The following HNRNPA2B1 variants were observed in gnomAD, a reference collection of about 807,000 sequenced individuals.
HNRNPA2B1 encodes heterogeneous nuclear ribonucleoproteins A2/B1.
A neutral mutation model predicts 46.3 loss-of-function variants in HNRNPA2B1; 3 were observed. The ratio of observed to expected loss-of-function variants is 0.06; its 90% confidence interval spans 0.03 to 0.17. The LOEUF is 0.17. Ranked by LOEUF, HNRNPA2B1 falls within the 10% of genes least tolerant of loss-of-function variation. The pLI, the probability that HNRNPA2B1 is intolerant of heterozygous loss-of-function variation, is 1.00. For synonymous variants in HNRNPA2B1, 225 were observed against 133.8 expected, an observed-to-expected ratio of 1.68 and a Z score of -4.70; for missense variants, 221 against 418.9, an observed-to-expected ratio of 0.53 and a Z score of 4.12.
In HNRNPA2B1 at chr7:26,196,910, T is replaced by C. The variant is rs1783706603; in HGVS notation, c.372A>G (p.Gly124=). Reference sequence around the variant, plus strand: ...TAATTATCTCAATGGTATCAATTTTTCCATATTCCTCAAAGTAATCTCTAA... The same window carrying C: ...TAATTATCTCAATGGTATCAATTTTCCCATATTCCTCAAAGTAATCTCTAA... The part of the protein sequence containing the change: ...HHLRDYFEEY[G]KIDTIEIITD... Residue 124 remains glycine (G), a synonymous_variant, in exon 4 of 11, where the codon GGA becomes GGG. Coordinates refer to ENST00000618183, the MANE Select transcript of HNRNPA2B1 (RefSeq NM_002137.4). The C allele has an allele frequency of 1.2e-6, 2 of 1,613,716 alleles. No homozygotes were observed. Among genetic ancestry groups the C allele is most frequent in the Non-Finnish European group, 8.5e-7 (1 of 1,179,672 alleles).
chr7:26,199,654 T>TC (rs1464131446), intron 1 of HNRNPA2B1: 1 of 152,118 alleles, frequency 6.6e-6, no homozygotes, highest in African/African-American at 2.4e-5. Flanking sequence ...ACCACCTTCG[T>TC]CCCTGCCCCT....
At chr7:26,197,251 T>C (rs1040534375) in intron 3 of HNRNPA2B1, 64 bp downstream of exon 3, 3 of 1,503,374 alleles carry the variant, frequency 2.0e-6, no homozygotes, top group Non-Finnish European at 8.9e-7. Flanking sequence ...TCAGAAATAG[T>C]TTCTGATTTT....
chr7:26,196,528 A>T (rs779273240), intron 5 of HNRNPA2B1, 29 bp downstream of exon 5: 2 of 1,612,728 alleles, frequency 1.2e-6, no homozygotes, highest in Non-Finnish European at 1.7e-6. Context: ...ATATGAACAA[A>T]AATAAAGAAG....
rs780011395 is a variant in HNRNPA2B1 at position 26,200,530 on chromosome 7, G to A, written c.6+42C>T. The A allele has an allele frequency of 1.4e-5, 22 of 1,608,594 alleles. 1 individual carries two copies. The highest frequency in any genetic ancestry group is 4.4e-5 in the South Asian group (4 of 91,016). On this transcript the variant is annotated intron_variant, in intron 1 of 10. Transcript: ENST00000618183. The stretch of plus-strand genomic sequence containing the variant: ...CTTCCACTGAGGCGCCAACGGCCTC[G>A]CCATGCCCTTTTCAATAACTCATTG...
At position 26,195,890 on chromosome 7, in the gene HNRNPA2B1, A is replaced by C. The variant is rs751844061; in HGVS notation, c.678T>G (p.Arg226=). Reference sequence around the variant, plus strand: ...ACCCATTATAGCCATCCCCAAATCCACGTCCACTGCCATATCCATCTGTTA... The same window carrying C: ...ACCCATTATAGCCATCCCCAAATCCCCGTCCACTGCCATATCCATCTGTTA... The part of the protein sequence containing the change: ...RGGSDGYGSG[R]GFGDGYNGYG... The change falls in exon 7 of 11, where the codon CGT becomes CGG. Residue 226 remains arginine (R), a synonymous_variant. Transcript: ENST00000618183. 1.2e-6 allele frequency: 2 copies of C among 1,609,654 alleles called. No homozygotes were observed. Among genetic ancestry groups the C allele is most frequent in the Non-Finnish European group, 1.7e-6 (2 of 1,178,740 alleles).
intron 9 of HNRNPA2B1, among the ~76,000 whole-genome samples, chr7:26,192,907 A>T (rs1199080038): frequency 6.6e-6 from 1 of 152,184 alleles, no homozygotes; most frequent in Non-Finnish European, 1.5e-5. Context: ...TAAGCTAAGC[A>T]ATGGTTTGAA....
In HNRNPA2B1 at chr7:26,190,694, G is replaced by A. The variant is rs542914846; in HGVS notation, c.*1666C>T. The stretch of plus-strand genomic sequence containing the variant: ...CTCTTCAGGGTAAGACACTGAACTA[G>A]AATTACCACATTTAACCCACCTATT... On this transcript the variant is annotated 3_prime_UTR_variant, in exon 11 of 11. Transcript: ENST00000618183. 1 of 152,112 alleles carries A rather than the reference G, an allele frequency of 6.6e-6. No individual in the cohort carries two copies. Among genetic ancestry groups the A allele is most frequent in the African/African-American group, 2.4e-5 (1 of 41,400 alleles). 9.4% of individuals were successfully genotyped at this position (152,112 alleles called of 1,614,324 possible).
At position 26,191,979 on chromosome 7, in the gene HNRNPA2B1, T is replaced by C. The variant is rs541820828; in HGVS notation, c.*381A>G. On this transcript the variant is annotated 3_prime_UTR_variant, in exon 11 of 11. Transcript: ENST00000618183. ...CCTGGCTAATAGCTTTTCAAAACTT[T>C]GAGAAAAATCTTAAAAAAGGTTTCA... 4 of 152,864 alleles carry C rather than the reference T, an allele frequency of 2.6e-5. No homozygotes were observed. The highest frequency in any genetic ancestry group is 6.5e-5 in the Admixed American group (1 of 15,304). The allele number at this position is 152,864 out of a possible 1,614,324, so 9.5% of individuals were successfully genotyped here.
intron 7 of HNRNPA2B1, 80 bp downstream of exon 7, chr7:26,195,767 T>G (rs1026480591): frequency 2.7e-6 from 4 of 1,479,920 alleles, no homozygotes; most frequent in Non-Finnish European, 3.6e-6. Context: ...GTTTAAAAAC[T>G]CAAAATATAA....
intron 7 of HNRNPA2B1, among the ~76,000 whole-genome samples, chr7:26,194,628 G>A (rs1272445094): frequency 6.6e-6 from 1 of 151,644 alleles, no homozygotes; most frequent in Admixed American, 6.6e-5. Context: ...TTGAGACTAA[G>A]ATTGCAGTAA....
At chr7:26,193,819 T>G in intron 7 of HNRNPA2B1, 125 bp from the exon 8 acceptor site, 1 of 851,760 alleles carries the variant, frequency 1.2e-6, no homozygotes, top group Non-Finnish European at 1.8e-6. Context: ...TCCTCTAAAA[T>G]AGCTTCAAGG....
In HNRNPA2B1 at chr7:26,190,122, G is replaced by GT. The variant is rs1490285737; in HGVS notation, c.*2237dup. On this transcript the variant is annotated 3_prime_UTR_variant, in exon 11 of 11. Coordinates refer to ENST00000618183, the MANE Select transcript of HNRNPA2B1 (RefSeq NM_002137.4). ...ATTTTATGTGTAAACATTACACCAA[G>GT]TATTTGGATACAAAAAGTATTTATT... 1 of 152,570 alleles carries GT rather than the reference G, an allele frequency of 6.6e-6. No individual in the cohort carries two copies. Among genetic ancestry groups the GT allele is most frequent in the African/African-American group, 2.4e-5 (1 of 41,438 alleles). The allele number at this position is 152,570 out of a possible 1,614,324, so 9.5% of individuals were successfully genotyped here.
intron 3 of HNRNPA2B1, 70 bp from the exon 4 acceptor site, chr7:26,197,087 G>A (rs1466827172): frequency 1.3e-5 from 17 of 1,262,052 alleles, no homozygotes; most frequent in East Asian, 4.6e-5. Context: ...GCACCCAACC[G>A]TAGTACCATA....
At chr7:26,199,031 A>G (rs1784026334) in intron 1 of HNRNPA2B1, 1 of 152,372 alleles carries the variant, frequency 6.6e-6, no homozygotes, top group Admixed American at 6.5e-5. Context: ...GTCTTTTGAA[A>G]TGGTTACTTG....
At chr7:26,194,587 G>A (rs769425061) in intron 7 of HNRNPA2B1, among the ~76,000 whole-genome samples, 2 of 151,814 alleles carry the variant, frequency 1.3e-5, no homozygotes, top group Non-Finnish European at 2.9e-5. Context: ...CGTAGTTCCA[G>A]CTACCCAGGA....
rs1158382526 is a variant in HNRNPA2B1, at chr7:26,194,890, T to TC, written c.721+956dup. Reference sequence around the variant, plus strand: ...GTGGGCAGTTCACGAGGTCAGGAGTTCAAGACCAGCCTGACCAACATGGGG... The same window carrying TC: ...GTGGGCAGTTCACGAGGTCAGGAGTTCCAAGACCAGCCTGACCAACATGGGG... On this transcript the variant is annotated intron_variant, in intron 7 of 10. Transcript: ENST00000618183. Among the ~76,000 whole-genome samples, 3 of 151,466 alleles carry TC rather than the reference T, an allele frequency of 2.0e-5. No homozygotes were observed. The East Asian group carries it at 5.9e-4, about 30-fold the overall frequency.
rs1782824708 is a variant in HNRNPA2B1, at chr7:26,190,782, C to G, written c.*1578G>C. On this transcript the variant is annotated 3_prime_UTR_variant, in exon 11 of 11. Transcript: ENST00000618183. ...AGACACTTCACTCAAGTATGAACTA[C>G]TATCTGAAAATAGATTCAACCATTT... 6.6e-6 allele frequency: 1 copy of G among 152,188 alleles called. No homozygotes were observed. Among genetic ancestry groups the G allele is most frequent in the South Asian group, 2.1e-4 (1 of 4,836 alleles). 9.4% of individuals were successfully genotyped at this position (152,188 alleles called of 1,614,324 possible). A position where few individuals can be genotyped will look rare whatever the true frequency, so the allele number is the denominator to read the frequency against.
At chr7:26,192,715 G>C in intron 9 of HNRNPA2B1, 138 bp from the exon 10 acceptor site, 5 of 711,288 alleles carry the variant, frequency 7.0e-6, no homozygotes, top group South Asian at 3.5e-5. Flanking sequence ...CCAGTTAGCA[G>C]AATTACTCAG....
intron 7 of HNRNPA2B1, among the ~76,000 whole-genome samples, chr7:26,193,904 G>A (rs1237069869): frequency 6.6e-6 from 1 of 152,176 alleles, no homozygotes; most frequent in Non-Finnish European, 1.5e-5. Context: ...TGTGCACACA[G>A]TTAAATACCT....
Sources: gnomAD v4.1 joint callset for allele counts (sites outside exome capture counted in the v4.1 genomes callset) on GRCh38, gnomAD v4.1.1 for gene constraint, MANE v1.5 for transcripts, NCBI Gene and HGNC (gene_info 2026-07-23, HGNC 2026-07-21) for gene names.